GPHN: variants seen among roughly 807,000 people sequenced by gnomAD.
GPHN encodes gephyrin.
A neutral mutation model predicts 95.5 loss-of-function variants in GPHN; 17 were observed. The ratio of observed to expected loss-of-function variants is 0.18; its 90% CI spans 0.12 to 0.27. GPHN has a LOEUF of 0.27. GPHN is among the 10% of genes least tolerant of loss of function. GPHN has a pLI of 1.00. For synonymous variants in GPHN, 320 were observed against 322.5 expected (o/e 0.99, Z 0.08); for missense variants, 660 against 978.1 (o/e 0.67, Z 4.34).
chr14:67,328,678 T>A, the GPHN span, among the ~76,000 whole-genome samples: 1 of 152,212 alleles, frequency 6.6e-6, no homozygotes, highest in East Asian at 1.9e-4. Flanking sequence ...AGGGATCCAG[T>A]TTCAGCTTTC....
chr14:67,564,199 C>T, the GPHN span, among the ~76,000 whole-genome samples: 1 of 152,148 alleles, frequency 6.6e-6, no homozygotes, highest in Non-Finnish European at 1.5e-5. Context: ...GTCGGGGTTT[C>T]ACCATGTTGG....
the GPHN span, chr14:67,725,132 T>A: frequency 6.2e-7 from 1 of 1,614,158 alleles, no homozygotes; most frequent in Non-Finnish European, 8.5e-7. Flanking sequence ...AGAGATGTAC[T>A]GAAGGGGGAG....
At chr14:67,039,571 A>G (rs929675668) in intron 10 of GPHN, among the ~76,000 whole-genome samples, 6 of 152,210 alleles carry the variant, frequency 3.9e-5, no homozygotes, top group Admixed American at 2.6e-4. Context: ...AGGCAGGAGG[A>G]TCACTTGAGC....
intron 9 of GPHN, among the ~76,000 whole-genome samples, chr14:66,995,866 C>A (rs749604396): frequency 1.3e-5 from 2 of 152,112 alleles, no homozygotes; most frequent in Non-Finnish European, 2.9e-5. Context: ...AGTGCAGTAC[C>A]GTAAGAAAAA....
At chr14:66,874,328 A>G (rs2063562753) in intron 4 of GPHN, among the ~76,000 whole-genome samples, 1 of 152,236 alleles carries the variant, frequency 6.6e-6, no homozygotes, top group Non-Finnish European at 1.5e-5. Context: ...TGAAAATTCC[A>G]AAAACCAGAA....
intron 4 of GPHN, among the ~76,000 whole-genome samples, chr14:66,869,317 A>G (rs2063342257): frequency 6.6e-6 from 1 of 152,240 alleles, no homozygotes; most frequent in Non-Finnish European, 1.5e-5. Context: ...TGATAAAGCT[A>G]CATTCTTCAA....
chr14:67,556,189 G>A, the GPHN span, among the ~76,000 whole-genome samples: 2 of 152,244 alleles, frequency 1.3e-5, no homozygotes, highest in Non-Finnish European at 2.9e-5. Flanking sequence ...GTTAGCCAGT[G>A]ATTCCGCTTC....
chr14:67,201,015 G>T, the GPHN span, among the ~76,000 whole-genome samples: 1 of 152,180 alleles, frequency 6.6e-6, no homozygotes, highest in African/African-American at 2.4e-5. Context: ...AAACAATTAG[G>T]CTGGGTGCAG....
At chr14:67,477,534 CG>C in the GPHN span, among the ~76,000 whole-genome samples, 18 of 152,146 alleles carry the variant, frequency 1.2e-4, no homozygotes, top group Non-Finnish European at 2.5e-4. Flanking sequence ...TTTCTGTCCC[CG>C]GCCAGACCTC....
At chr14:66,514,920 A>G (rs1344499681) in intron 1 of GPHN, among the ~76,000 whole-genome samples, 1 of 152,170 alleles carries the variant, frequency 6.6e-6, no homozygotes, top group African/African-American at 2.4e-5. Flanking sequence ...CTTTGGAGTC[A>G]GATAGACTTG....
At chr14:67,112,279 T>G (rs2078421847) in intron 15 of GPHN, among the ~76,000 whole-genome samples, 1 of 152,190 alleles carries the variant, frequency 6.6e-6, no homozygotes, top group Non-Finnish European at 1.5e-5. Context: ...ATTTACACAA[T>G]TAACTAATAG....
chr14:66,854,575 A>G (rs1470804744), intron 4 of GPHN, among the ~76,000 whole-genome samples: 1 of 152,194 alleles, frequency 6.6e-6, no homozygotes, highest in Non-Finnish European at 1.5e-5. Context: ...AGGACAACTG[A>G]TTCTTTTTCA....
intron 2 of GPHN, among the ~76,000 whole-genome samples, chr14:66,744,705 T>G (rs1016690972): frequency 2.0e-5 from 3 of 152,196 alleles, no homozygotes; most frequent in African/African-American, 4.8e-5. Flanking sequence ...CTGAGCATTT[T>G]GTTAAGATGT....
chr14:66,849,743 C>A (rs566262371), intron 4 of GPHN, among the ~76,000 whole-genome samples: 34 of 152,020 alleles, frequency 2.2e-4, no homozygotes, highest in African/African-American at 8.2e-4. Context: ...GTTTTTGGCT[C>A]AGTAGCTGTT....
At chr14:66,540,296 T>C (rs2059311233) in intron 1 of GPHN, among the ~76,000 whole-genome samples, 1 of 152,134 alleles carries the variant, frequency 6.6e-6, no homozygotes, top group Non-Finnish European at 1.5e-5. Flanking sequence ...TGGATGTTTG[T>C]TTATATACCA....
chr14:66,650,787 T>C (rs1024677909), intron 1 of GPHN, among the ~76,000 whole-genome samples: 3 of 152,150 alleles, frequency 2.0e-5, no homozygotes, highest in African/African-American at 7.2e-5. Context: ...AAAACGAAAC[T>C]GGTCATTTTC....
At chr14:66,539,218 T>C (rs1223562020) in intron 1 of GPHN, among the ~76,000 whole-genome samples, 1 of 151,410 alleles carries the variant, frequency 6.6e-6, no homozygotes, top group Non-Finnish European at 1.5e-5. Flanking sequence ...TTGCGGTTTG[T>C]CCCCTGTTTC....
chr14:67,318,338 A>C, the GPHN span, among the ~76,000 whole-genome samples: 1 of 147,656 alleles, frequency 6.8e-6, no homozygotes, highest in Non-Finnish European at 1.5e-5. Flanking sequence ...TTCTAAAATA[A>C]ATATCCTTTA....
At chr14:66,559,203 G>A (rs897049676) in intron 1 of GPHN, among the ~76,000 whole-genome samples, 2 of 152,062 alleles carry the variant, frequency 1.3e-5, no homozygotes, top group African/African-American at 4.8e-5. Flanking sequence ...AAACATATGT[G>A]TGCATGTGTC....
Sources: allele counts gnomAD v4.1 joint callset (sites outside exome capture counted in the v4.1 genomes callset), GRCh38; gene constraint gnomAD v4.1.1; transcripts MANE v1.5; gene names NCBI Gene and HGNC (gene_info 2026-07-23, HGNC 2026-07-21).